Variants in WDFY4 observed in about 807,000 individuals in gnomAD.
The protein encoded by WDFY4 is WD repeat- and FYVE domain-containing protein 4.
Under a neutral mutation model 351.9 loss-of-function variants are expected in WDFY4, and 169 were observed. The observed-to-expected ratio is 0.48, with a 90% CI of 0.42 to 0.55. The LOEUF is 0.55. WDFY4 is among the 20% of genes least tolerant of loss of function. The pLI, the probability that WDFY4 is intolerant of heterozygous loss-of-function variation, is 0.00. For synonymous variants in WDFY4, 1,622 were observed against 1,574.6 expected (o/e 1.03, Z -0.71); for missense variants, 3,803 against 3,935.6 (o/e 0.97, Z 0.90).
chr10:48,931,096 AACACACACACAC>A (rs10598078), intron 47 of WDFY4, among the ~76,000 whole-genome samples: 3,516 of 149,588 alleles, frequency 0.024, 105 homozygotes, highest in African/African-American at 0.062. Context: ...CTCACACTCA[AACACACACACAC>A]ACACACACAC....
Position 48,826,847 on chromosome 10 carries a change from C to T in WDFY4, c.6159C>T (p.Tyr2053=). ...ACTGGGATGTTGTCTTTGCCACCTA[C>T]AATTCCAACATCAGCTTCCTCCTGT... ...QEHWDVVFAT[Y]NSNISFLLCL... Residue 2053 remains tyrosine (Y), a synonymous_variant, in exon 36 of 62, where the codon TAC becomes TAT. Transcript: ENST00000325239. 1.3e-6 allele frequency: 2 copies of T among 1,551,838 alleles called. No homozygotes were observed. Among genetic ancestry groups the T allele is most frequent in the Non-Finnish European group, 1.7e-6 (2 of 1,147,026 alleles).
intron 43 of WDFY4, chr10:48,878,170 G>A (rs1453048465): frequency 2.0e-5 from 3 of 152,458 alleles, no homozygotes; most frequent in Non-Finnish European, 4.4e-5. Context: ...TTGAAGGCTT[G>A]GTGGATCTCA....
At chr10:48,844,925 C>T (rs1425438300) in intron 39 of WDFY4, among the ~76,000 whole-genome samples, 1 of 152,120 alleles carries the variant, frequency 6.6e-6, no homozygotes, top group Non-Finnish European at 1.5e-5. Flanking sequence ...GATGATGCGC[C>T]AGAGACTTAC....
At chr10:48,888,688 A>T (rs1207178419) in intron 43 of WDFY4, among the ~76,000 whole-genome samples, 9 of 152,116 alleles carry the variant, frequency 5.9e-5, no homozygotes. Flanking sequence ...CTGTTCCCCA[A>T]ATCAGCCCTT....
chr10:48,826,905 A>G lies in WDFY4; in HGVS notation c.6217A>G (p.Arg2073Gly). Residue 2073 changes from arginine to glycine, a missense_variant, in exon 36 of 62, where the codon AGA becomes GGA. Transcript: ENST00000325239. ...GCATTGCCTTTTGCTACTCAATGAG[A>G]GAAGGTAAGAGCTGCCCACTTGTTT... Reference protein sequence around the residue: ...LMHCLLLLNERSYPEGFGLEP... With the variant: ...LMHCLLLLNEGSYPEGFGLEP... 6.4e-7 allele frequency: 1 copy of G among 1,551,394 alleles called. No homozygotes were observed. The highest frequency in any genetic ancestry group is 8.7e-7 in the Non-Finnish European group (1 of 1,146,754).
chr10:48,902,248 A>G (rs1328547060), intron 47 of WDFY4, among the ~76,000 whole-genome samples: 3 of 152,202 alleles, frequency 2.0e-5, no homozygotes, highest in Admixed American at 1.3e-4. Context: ...GAACGCTTAG[A>G]AGCTAAATTC....
intron 32 of WDFY4, 57 bp from the exon 33 acceptor site, chr10:48,820,177 T>C: frequency 6.5e-7 from 1 of 1,531,918 alleles, no homozygotes; most frequent in South Asian, 1.2e-5. Flanking sequence ...CACAGGTTGG[T>C]GGGAAAGAGC....
chr10:48,892,494 C>T (rs184070736), intron 44 of WDFY4, among the ~76,000 whole-genome samples: 84 of 152,294 alleles, frequency 5.5e-4, no homozygotes, highest in Non-Finnish European at 9.7e-4. Context: ...AGTCACCATA[C>T]CTCAAAGAAG....
chr10:48,952,933 C>A (rs1308202333), intron 51 of WDFY4, among the ~76,000 whole-genome samples: 1 of 152,170 alleles, frequency 6.6e-6, no homozygotes, highest in Non-Finnish European at 1.5e-5. Flanking sequence ...TCCAGCTTTC[C>A]TTTCCCCTCA....
chr10:48,801,683 T>TTATTTTATTTTGTATCCACTCATTC (rs531764979), intron 24 of WDFY4, among the ~76,000 whole-genome samples: 146 of 152,358 alleles, frequency 9.6e-4, no homozygotes, highest in African/African-American at 3.2e-3. Context: ...TCCACTCATT[T>TTATTTTATTTTGTATCCACTCATTC]TATTTTATTT....
intron 44 of WDFY4, among the ~76,000 whole-genome samples, chr10:48,893,642 A>G (rs1156553264): frequency 6.6e-6 from 1 of 152,156 alleles, no homozygotes; most frequent in Admixed American, 6.5e-5. Context: ...ATGTGGACTA[A>G]ATCGGGTAGA....
At chr10:48,749,855 A>G (rs1184628470) in intron 12 of WDFY4, among the ~76,000 whole-genome samples, 1 of 152,166 alleles carries the variant, frequency 6.6e-6, no homozygotes, top group Non-Finnish European at 1.5e-5. Flanking sequence ...CTGCCTTAGC[A>G]TATGCCTTCT....
At chr10:48,805,149 A>C in intron 25 of WDFY4, 111 bp from the exon 26 acceptor site, 1 of 1,231,724 alleles carries the variant, frequency 8.1e-7, no homozygotes, top group Non-Finnish European at 1.1e-6. Context: ...AGAGCATTGG[A>C]GTTAAGGGGC....
intron 47 of WDFY4, among the ~76,000 whole-genome samples, chr10:48,916,124 T>C (rs1219411745): frequency 1.3e-5 from 2 of 152,150 alleles, no homozygotes; most frequent in South Asian, 2.1e-4. Flanking sequence ...ATCAGGCAGA[T>C]TGGAGAAGAA....
At position 48,787,879 on chromosome 10, in the gene WDFY4, TTTCTTCTTCTTCTCCTTC is replaced by T. The variant is rs1196823980; in HGVS notation, c.3809-637_3809-620del. The stretch of plus-strand genomic sequence containing the variant: ...CTTCTTTCTTCTTCTTTCTTCTTTC[TTTCTTCTTCTTCTCCTTC>T]TTCTTCTTCTTCTTCTTCTTCTTCT... On this transcript the variant is annotated intron_variant, in intron 20 of 61. Transcript: ENST00000325239. Among the ~76,000 whole-genome samples the T allele has an allele frequency of 5.0e-3, 525 of 104,400 alleles. 36 individuals are homozygous for T. Among genetic ancestry groups the T allele is most frequent in the Middle Eastern group, 8.5e-3 (2 of 234 alleles). 68.5% of individuals were successfully genotyped at this position (104,400 alleles called of 152,430 possible). A position where few individuals can be genotyped will look rare whatever the true frequency, so the allele number is the denominator to read the frequency against.
intron 12 of WDFY4, chr10:48,746,063 C>T: frequency 6.1e-6 from 1 of 163,140 alleles, no homozygotes. Flanking sequence ...ACCTGCTTCA[C>T]CACAACGGCC....
intron 19 of WDFY4, among the ~76,000 whole-genome samples, chr10:48,785,931 C>T (rs1054277301): frequency 1.3e-5 from 2 of 152,162 alleles, no homozygotes; most frequent in African/African-American, 4.8e-5. Flanking sequence ...ACTTACTGAT[C>T]AACTCGAGGG....
chr10:48,737,232 A>G (rs1438899216), intron 11 of WDFY4, among the ~76,000 whole-genome samples: 1 of 152,082 alleles, frequency 6.6e-6, no homozygotes. Context: ...CTGGTCTTCA[A>G]CTTCTGACCT....
rs1286376493 is a variant in WDFY4, at chr10:48,830,773, G to A, written c.6414G>A (p.Glu2138=). 1.9e-5 allele frequency: 30 copies of A among 1,551,680 alleles called. No individual in the cohort carries two copies. Among genetic ancestry groups the A allele is most frequent in the Non-Finnish European group, 2.6e-5 (30 of 1,146,960 alleles). The part of the protein sequence containing the change: ...QLVAQRQQTL[E]DAFKIDLSVK... Reference sequence around the variant, plus strand: ...TGGCACAAAGGCAGCAGACCCTGGAGGATGCCTTCAAGATCGATCTCTCTG... The same window carrying A: ...TGGCACAAAGGCAGCAGACCCTGGAAGATGCCTTCAAGATCGATCTCTCTG... The change falls in exon 38 of 62, where the codon GAG becomes GAA. Residue 2138 remains glutamate (E), a synonymous_variant. Coordinates refer to ENST00000325239, the MANE Select transcript of WDFY4 (RefSeq NM_001394531.1).
Sources: allele counts gnomAD v4.1 joint callset (sites outside exome capture counted in the v4.1 genomes callset), GRCh38; gene constraint gnomAD v4.1.1; transcripts MANE v1.5; gene names NCBI Gene and HGNC (gene_info 2026-07-23, HGNC 2026-07-21).